The following DISC1 variants were observed in gnomAD, a reference collection of about 807,000 sequenced individuals.
The protein encoded by DISC1 is disrupted in schizophrenia 1 protein.
In DISC1, 57 loss-of-function variants were observed where a neutral mutation model predicts 84.5. That is an observed-to-expected ratio of 0.67 (90% CI 0.55 to 0.84). The LOEUF (loss-of-function observed/expected upper bound fraction) is 0.84, where lower values mean the gene tolerates loss of function less well. Ranked by LOEUF, DISC1 falls within the 40% of genes least tolerant of loss-of-function variation. The probability of loss-of-function intolerance (pLI) is 0.00; values close to 1 mark genes in which losing one functional copy is unlikely to be tolerated. For synonymous variants in DISC1, 411 were observed against 415.2 expected (o/e 0.99, Z 0.12); for missense variants, 1,000 against 1,057.8 (o/e 0.95, Z 0.76).
Position 231,798,134 on chromosome 1 carries a change from CAT to C in DISC1, c.1690-1972_1690-1971del, listed in dbSNP as rs1355028078. On this transcript the variant is annotated intron_variant, in intron 7 of 12. Transcript: ENST00000439617. ...CACACCACACACACACACACACACACATACACACACACCCCTACCTGATATTC... is the reference window on the plus strand; with the variant it reads ...CACACCACACACACACACACACACACACACACACACCCCTACCTGATATTC... 8.0e-3 allele frequency among the ~76,000 whole-genome samples: 1,190 copies of C among 149,020 alleles called. 17 individuals carry two copies. The highest frequency in any genetic ancestry group is 0.025 in the African/African-American group (985 of 38,886).
At chr1:231,646,764 A>T (rs187715709) in intron 1 of DISC1, among the ~76,000 whole-genome samples, 11 of 152,258 alleles carry the variant, frequency 7.2e-5, no homozygotes, top group African/African-American at 1.4e-4. Context: ...AACTGATGTG[A>T]TATGGTATCT....
intron 1 of DISC1, among the ~76,000 whole-genome samples, chr1:231,659,055 A>T (rs554966082): frequency 6.6e-6 from 1 of 152,150 alleles, no homozygotes; most frequent in East Asian, 1.9e-4. Context: ...AGTCAAAATG[A>T]TACCCCTTTT....
chr1:231,736,340 A>C (rs2072488561), intron 3 of DISC1, among the ~76,000 whole-genome samples: 1 of 152,230 alleles, frequency 6.6e-6, no homozygotes, highest in Non-Finnish European at 1.5e-5. Flanking sequence ...GCAAAAGCCC[A>C]GAGGTTAGCA....
chr1:231,841,739 T>TA (rs1369930195), intron 9 of DISC1, among the ~76,000 whole-genome samples: 6 of 152,160 alleles, frequency 3.9e-5, no homozygotes, highest in African/African-American at 1.4e-4. Context: ...TTAGTCTCCT[T>TA]AAAAATCACT....
chr1:231,774,837 C>T (rs1160651383), intron 6 of DISC1: 1 of 436,508 alleles, frequency 2.3e-6, no homozygotes, highest in Non-Finnish European at 4.6e-6. Context: ...ATTGCTTGGT[C>T]TAGTATTTTT....
chr1:231,910,934 CTTCT>C (rs1233502467), intron 9 of DISC1, among the ~76,000 whole-genome samples: 5 of 152,116 alleles, frequency 3.3e-5, no homozygotes, highest in Non-Finnish European at 7.4e-5. Context: ...AAGTAATGGC[CTTCT>C]TTGTCTCTTT....
chr1:231,721,246 A>G (rs1409796225), intron 3 of DISC1, among the ~76,000 whole-genome samples: 1 of 152,208 alleles, frequency 6.6e-6, no homozygotes, highest in Non-Finnish European at 1.5e-5. Context: ...TGGTTGGAGT[A>G]TTGTGGATAA....
At chr1:231,883,232 CTTT>C (rs1241432933) in intron 9 of DISC1, among the ~76,000 whole-genome samples, 1 of 152,128 alleles carries the variant, frequency 6.6e-6, no homozygotes, top group Admixed American at 6.5e-5. Flanking sequence ...ATTCATTCTT[CTTT>C]CTCTCTATAA....
intron 12 of DISC1, among the ~76,000 whole-genome samples, chr1:232,032,529 G>C (rs773928839): frequency 6.6e-6 from 1 of 152,132 alleles, no homozygotes; most frequent in African/African-American, 2.4e-5. Flanking sequence ...ATGGCCTTGG[G>C]TTCCAAAGGT....
In DISC1 at chr1:231,690,683, TAGTG is replaced by T. The variant is rs965593296; in HGVS notation, c.68-3140_68-3137del. 1.8e-3 allele frequency among the ~76,000 whole-genome samples: 274 copies of T among 152,190 alleles called. 3 individuals are homozygous for T. The highest frequency in any genetic ancestry group is 6.2e-3 in the African/African-American group (259 of 41,528). On this transcript the variant is annotated intron_variant, in intron 1 of 12. Transcript: ENST00000439617. The stretch of plus-strand genomic sequence containing the variant: ...CAAAAAATAAAAAAGAGGAAAAAAA[TAGTG>T]AGAAAAAATGGCCTTTCGTTATGGG...
chr1:231,818,245 G>A, intron 8 of DISC1, 84 bp from the exon 9 acceptor site: 1 of 1,366,208 alleles, frequency 7.3e-7, no homozygotes, highest in African/African-American at 1.4e-5. Flanking sequence ...TGCTGTGAAT[G>A]TACATTAGCT....
chr1:231,803,810 T>C (rs2079473936), intron 8 of DISC1, among the ~76,000 whole-genome samples: 1 of 151,878 alleles, frequency 6.6e-6, no homozygotes, highest in Admixed American at 6.6e-5. Context: ...TAGCTAGGCG[T>C]CATGGCGGGC....
At chr1:231,700,347 A>G (rs2066259730) in intron 2 of DISC1, among the ~76,000 whole-genome samples, 1 of 152,108 alleles carries the variant, frequency 6.6e-6, no homozygotes, top group African/African-American at 2.4e-5. Flanking sequence ...ATGAATAGGA[A>G]ATTTATTTTC....
At chr1:232,026,574 T>G in intron 12 of DISC1, 22 bp downstream of exon 12, 1 of 1,544,792 alleles carries the variant, frequency 6.5e-7, no homozygotes, top group Non-Finnish European at 8.8e-7. Flanking sequence ...ATCTTGCAGA[T>G]GAAGCAAGGC....
chr1:231,686,351 G>A (rs527869178), intron 1 of DISC1, among the ~76,000 whole-genome samples: 296 of 152,338 alleles, frequency 1.9e-3, no homozygotes, highest in African/African-American at 6.5e-3. Flanking sequence ...GTTTCCATAC[G>A]TGTTCTGAAA....
At chr1:231,745,847 T>C (rs142096935) in intron 3 of DISC1, among the ~76,000 whole-genome samples, 14 of 152,186 alleles carry the variant, frequency 9.2e-5, no homozygotes, top group African/African-American at 3.1e-4. Context: ...TGGGAGGTGT[T>C]TGGGTCATGG....
chr1:231,872,180 A>G (rs1006617792), intron 9 of DISC1, among the ~76,000 whole-genome samples: 3 of 152,100 alleles, frequency 2.0e-5, no homozygotes, highest in Non-Finnish European at 4.4e-5. Context: ...GAGAACTTTC[A>G]CTTTAGTACT....
rs115515275 is a variant in DISC1 at position 231,717,818 on chromosome 1, G to T, written c.1117+15794G>T. Reference sequence around the variant, plus strand: ...TGCTTTCATTGTCCATTTGTTTCTTGACAGTCAAATCTCTTCATTAATAAA... The same window carrying T: ...TGCTTTCATTGTCCATTTGTTTCTTTACAGTCAAATCTCTTCATTAATAAA... On this transcript the variant is annotated intron_variant, in intron 3 of 12. Transcript: ENST00000439617. Among the ~76,000 whole-genome samples, 1,463 of 152,086 alleles carry T rather than the reference G, an allele frequency of 9.6e-3. 26 individuals carry two copies. Among genetic ancestry groups the T allele is most frequent in the African/African-American group, 0.033 (1,365 of 41,448 alleles).
intron 4 of DISC1, among the ~76,000 whole-genome samples, chr1:231,761,649 T>C (rs983324679): frequency 6.6e-6 from 1 of 152,240 alleles, no homozygotes; most frequent in African/African-American, 2.4e-5. Context: ...CTGTGTTGAT[T>C]TCCTTCAATG....
Sources: allele counts gnomAD v4.1 joint callset (sites outside exome capture counted in the v4.1 genomes callset), GRCh38; gene constraint gnomAD v4.1.1; transcripts MANE v1.5; gene names NCBI Gene and HGNC (gene_info 2026-07-23, HGNC 2026-07-21).